The following ST6GALNAC3 variants were observed in gnomAD, a reference collection of about 807,000 sequenced individuals.
The protein encoded by ST6GALNAC3 is alpha-N-acetylgalactosaminide alpha-2,6-sialyltransferase 3.
Under a neutral mutation model 32.7 loss-of-function variants are expected in ST6GALNAC3, and 25 were observed. The observed-to-expected ratio is 0.76, with a 90% confidence interval of 0.56 to 1.07. The LOEUF (loss-of-function observed/expected upper bound fraction) is 1.07, where lower values mean the gene tolerates loss of function less well. Ranked by LOEUF, ST6GALNAC3 falls within the 50% of genes least tolerant of loss-of-function variation. The pLI, the probability that ST6GALNAC3 is intolerant of heterozygous loss-of-function variation, is 0.00. For missense variants in ST6GALNAC3, 355 were observed against 382.4 expected (o/e 0.93, Z 0.60); for synonymous variants, 129 against 133.1 (o/e 0.97, Z 0.21).
At chr1:76,084,824 G>A (rs145423074) in intron 1 of ST6GALNAC3, among the ~76,000 whole-genome samples, 2 of 152,230 alleles carry the variant, frequency 1.3e-5, no homozygotes, top group Admixed American at 6.5e-5. Context: ...TGAACATTTC[G>A]TTATAATAAT....
intron 3 of ST6GALNAC3, among the ~76,000 whole-genome samples, chr1:76,582,110 T>C (rs315032): frequency 6.6e-6 from 1 of 152,090 alleles, no homozygotes; most frequent in East Asian, 1.9e-4. Flanking sequence ...TAGACCATTT[T>C]ATTCAGAATA....
intron 1 of ST6GALNAC3, among the ~76,000 whole-genome samples, chr1:76,165,431 TAG>T (rs146953840): frequency 0.1 from 15,306 of 152,252 alleles, 938 homozygotes; most frequent in Non-Finnish European, 0.14. Flanking sequence ...GATGAGCATT[TAG>T]GTTGATTCAA....
chr1:76,281,159 C>G (rs548224030), intron 1 of ST6GALNAC3, among the ~76,000 whole-genome samples: 5 of 152,268 alleles, frequency 3.3e-5, no homozygotes, highest in African/African-American at 9.6e-5. Flanking sequence ...GTGCCGACAC[C>G]TTAATTCAAG....
rs3079480 is a variant in ST6GALNAC3, at chr1:76,327,275, CGTGTGTGTGT to C, written c.213+13307_213+13316del. On this transcript the variant is annotated intron_variant, in intron 2 of 4. Coordinates refer to ENST00000328299, the MANE Select transcript of ST6GALNAC3 (RefSeq NM_152996.4). ...CCAACAGGATGTGTATGTATATATG[CGTGTGTGTGT>C]GTGTGTGTGTGTGTGTGTGTGTGTG... Among the ~76,000 whole-genome samples, 759 of 138,748 alleles carry C rather than the reference CGTGTGTGTGT, an allele frequency of 5.5e-3. 8 individuals are homozygous for C. Among genetic ancestry groups the C allele is most frequent in the African/African-American group, 0.016 (599 of 38,558 alleles). The allele number at this position is 138,748 out of a possible 152,430, so 91.0% of individuals were successfully genotyped here.
intron 1 of ST6GALNAC3, among the ~76,000 whole-genome samples, chr1:76,170,992 G>T (rs1218849479): frequency 6.6e-6 from 1 of 152,010 alleles, no homozygotes; most frequent in Non-Finnish European, 1.5e-5. Context: ...AAATATTTTG[G>T]AAAAATATAA....
intron 1 of ST6GALNAC3, among the ~76,000 whole-genome samples, chr1:76,151,247 C>A (rs112277340): frequency 0.018 from 2,770 of 152,200 alleles, 76 homozygotes; most frequent in African/African-American, 0.062. Context: ...TCAGGAGGAA[C>A]CTTCAGATGT....
chr1:76,347,161 T>C (rs751672121), intron 2 of ST6GALNAC3, among the ~76,000 whole-genome samples: 4 of 152,208 alleles, frequency 2.6e-5, no homozygotes, highest in Non-Finnish European at 4.4e-5. Context: ...GCAAAGTTGA[T>C]GTTAGCATGT....
chr1:76,147,214 C>T (rs908534162), intron 1 of ST6GALNAC3, among the ~76,000 whole-genome samples: 7 of 151,906 alleles, frequency 4.6e-5, no homozygotes, highest in African/African-American at 1.2e-4. Context: ...AGGCACCTGC[C>T]ACCATGCCCA....
chr1:76,446,876 C>G (rs1483480561), intron 3 of ST6GALNAC3, among the ~76,000 whole-genome samples: 2 of 152,114 alleles, frequency 1.3e-5, no homozygotes, highest in African/African-American at 4.8e-5. Context: ...ACCCTTTTTC[C>G]TGTATAAATT....
At chr1:76,265,586 T>A (rs1390931386) in intron 1 of ST6GALNAC3, among the ~76,000 whole-genome samples, 3 of 152,152 alleles carry the variant, frequency 2.0e-5, no homozygotes, top group Admixed American at 6.5e-5. Context: ...TTATCAAAAA[T>A]TTTTTAAAAG....
At chr1:76,256,413 G>A (rs1375256496) in intron 1 of ST6GALNAC3, among the ~76,000 whole-genome samples, 1 of 152,138 alleles carries the variant, frequency 6.6e-6, no homozygotes. Context: ...CATTATGGGG[G>A]CAAAGAGTAG....
intron 1 of ST6GALNAC3, among the ~76,000 whole-genome samples, chr1:76,090,762 C>G (rs1338580229): frequency 1.3e-5 from 2 of 152,168 alleles, no homozygotes; most frequent in African/African-American, 4.8e-5. Flanking sequence ...TACTTTATGG[C>G]TAAAGCTTAG....
intron 1 of ST6GALNAC3, among the ~76,000 whole-genome samples, chr1:76,095,061 A>G (rs548462782): frequency 6.6e-6 from 1 of 152,254 alleles, no homozygotes; most frequent in East Asian, 1.9e-4. Flanking sequence ...AGTGGTCATT[A>G]TTAATACATG....
At chr1:76,170,022 T>TA (rs1393547712) in intron 1 of ST6GALNAC3, among the ~76,000 whole-genome samples, 1 of 152,126 alleles carries the variant, frequency 6.6e-6, no homozygotes, top group Non-Finnish European at 1.5e-5. Context: ...ATTTTTTTTT[T>TA]ATCCTATTTG....
At chr1:76,388,948 A>G (rs1451451205) in intron 2 of ST6GALNAC3, among the ~76,000 whole-genome samples, 1 of 149,324 alleles carries the variant, frequency 6.7e-6, no homozygotes, top group Non-Finnish European at 1.5e-5. Flanking sequence ...GTAATGATAA[A>G]CCTTCCTCCT....
At chr1:76,399,573 A>G (rs4949716) in intron 2 of ST6GALNAC3, among the ~76,000 whole-genome samples, 97,975 of 151,946 alleles carry the variant, frequency 0.64, 32,090 homozygotes, top group East Asian at 0.8. Flanking sequence ...GCATCTCTAT[A>G]AAAATGTTAG....
chr1:76,610,073 G>A (rs1647821967), intron 3 of ST6GALNAC3, among the ~76,000 whole-genome samples: 1 of 152,068 alleles, frequency 6.6e-6, no homozygotes, highest in Admixed American at 6.6e-5. Context: ...GTGTGATTCT[G>A]GATTGGTGAT....
chr1:76,077,534 A>G (rs1432291789), intron 1 of ST6GALNAC3, among the ~76,000 whole-genome samples: 1 of 152,218 alleles, frequency 6.6e-6, no homozygotes, highest in African/African-American at 2.4e-5. Flanking sequence ...ATAGAGAAGG[A>G]TAAATTGTGG....
At chr1:76,213,560 C>G (rs528174483) in intron 1 of ST6GALNAC3, among the ~76,000 whole-genome samples, 2 of 152,264 alleles carry the variant, frequency 1.3e-5, no homozygotes, top group South Asian at 4.1e-4. Context: ...AATCAAAGTA[C>G]CTATGCCAGT....
Sources: allele counts gnomAD v4.1 joint callset (sites outside exome capture counted in the v4.1 genomes callset), GRCh38; gene constraint gnomAD v4.1.1; transcripts MANE v1.5; gene names NCBI Gene and HGNC (gene_info 2026-07-23, HGNC 2026-07-21).